Variants in BCL10 observed in about 807,000 individuals in gnomAD.
BCL10 encodes the protein BCL10 immune signaling adaptor, also known as B-cell lymphoma/leukemia 10.
BCL10 carries 5 observed loss-of-function variants against 19.2 expected under a neutral mutation model. The ratio of observed to expected loss-of-function variants is 0.26; its 90% confidence interval spans 0.14 to 0.55. The LOEUF (loss-of-function observed/expected upper bound fraction) is 0.55, where lower values mean the gene tolerates loss of function less well. BCL10 is among the 20% of genes least tolerant of loss of function. The pLI is 0.94. For missense variants in BCL10, 201 were observed against 271.9 expected (o/e 0.74, Z 1.83); for synonymous variants, 110 against 98.8 (o/e 1.11, Z -0.67).
intron 1 of BCL10, among the ~76,000 whole-genome samples, chr1:85,272,617 T>G (rs80055942): frequency 1.3e-5 from 2 of 152,098 alleles, no homozygotes; most frequent in Non-Finnish European, 1.5e-5. Flanking sequence ...AAGGATAAAG[T>G]TCCTTTACGT....
At chr1:85,276,270 G>A (rs979120146) in intron 1 of BCL10, 26 bp downstream of exon 1, 1 of 1,353,646 alleles carries the variant, frequency 7.4e-7, no homozygotes, top group African/African-American at 1.4e-5. Flanking sequence ...GCCCCCGCCC[G>A]CCCTGGGCAC....
At position 85,267,470 on chromosome 1, in the gene BCL10, CTTT is replaced by C; in HGVS notation, c.*154_*156del. 1 of 610,468 alleles carries C rather than the reference CTTT, an allele frequency of 1.6e-6. No individual in the cohort carries two copies. The highest frequency in any genetic ancestry group is 2.9e-5 in the East Asian group (1 of 34,328). 37.8% of individuals were successfully genotyped at this position (610,468 alleles called of 1,614,324 possible). A position where few individuals can be genotyped will look rare whatever the true frequency, so the allele number is the denominator to read the frequency against. On this transcript the variant is annotated 3_prime_UTR_variant, in exon 3 of 3. Coordinates refer to ENST00000648566, the MANE Select transcript of BCL10 (RefSeq NM_003921.5). ...TACAGTTAGCTATCCTAGAAGTATGCTTTTTTAATTCTAAAAATCCTATTTACA... is the reference window on the plus strand; with the variant it reads ...TACAGTTAGCTATCCTAGAAGTATGCTTTAATTCTAAAAATCCTATTTACA...
chr1:85,269,127 C>T (rs915421856), intron 2 of BCL10, among the ~76,000 whole-genome samples: 2 of 152,212 alleles, frequency 1.3e-5, no homozygotes, highest in African/African-American at 4.8e-5. Flanking sequence ...TCTTGCCCTC[C>T]CTTGCTCTTC....
chr1:85,274,517 G>A (rs549936706), intron 1 of BCL10, among the ~76,000 whole-genome samples: 4 of 152,306 alleles, frequency 2.6e-5, no homozygotes, highest in Admixed American at 6.5e-5. Context: ...CTAGATAGGA[G>A]GAGGGGGAGA....
At chr1:85,268,554 G>C (rs891460179) in intron 2 of BCL10, among the ~76,000 whole-genome samples, 2 of 152,128 alleles carry the variant, frequency 1.3e-5, no homozygotes, top group African/African-American at 4.8e-5. Flanking sequence ...CAGATCATGA[G>C]GTCAGGAGTT....
chr1:85,270,784 T>C lies in BCL10; in HGVS notation c.180A>G (p.Ser60=). ...EDTEEISCRT[S]SRKRAGKLLD... Reference sequence around the variant, plus strand: ...ACAATTTTCCAGCCCTTTTTCTACTTGATGTTCGACAAGAAATTTCTTCAG... The same window carrying C: ...ACAATTTTCCAGCCCTTTTTCTACTCGATGTTCGACAAGAAATTTCTTCAG... Residue 60 remains serine (S), a synonymous_variant, in exon 2 of 3, where the codon TCA becomes TCG. Coordinates refer to ENST00000648566, the MANE Select transcript of BCL10 (RefSeq NM_003921.5). 6.2e-7 allele frequency: 1 copy of C among 1,614,136 alleles called. No individual in the cohort carries two copies. The highest frequency in any genetic ancestry group is 2.2e-5 in the East Asian group (1 of 44,866).
At chr1:85,274,908 G>A (rs891547773) in intron 1 of BCL10, among the ~76,000 whole-genome samples, 2 of 152,172 alleles carry the variant, frequency 1.3e-5, no homozygotes, top group African/African-American at 4.8e-5. Context: ...CCTGAAGACA[G>A]ATAACATCAA....
intron 1 of BCL10, among the ~76,000 whole-genome samples, chr1:85,271,279 G>T (rs1426862575): frequency 6.6e-6 from 1 of 152,212 alleles, no homozygotes; most frequent in Non-Finnish European, 1.5e-5. Flanking sequence ...TGCAGAATTA[G>T]TCAGGACCAA....
At position 85,276,472 on chromosome 1, in the gene BCL10, G is replaced by C. The variant is rs71585147; in HGVS notation, c.-120C>G. ...AGAAGGAGAGGAGGCGGAGCGGGTC[G>C]GGAGAAAGACGGCCGCCCCTTCGGG... On this transcript the variant is annotated 5_prime_UTR_variant, in exon 1 of 3. Coordinates refer to ENST00000648566, the MANE Select transcript of BCL10 (RefSeq NM_003921.5). 1.7e-6 allele frequency: 2 copies of C among 1,188,798 alleles called. No individual in the cohort carries two copies. The highest frequency in any genetic ancestry group is 2.4e-6 in the Non-Finnish European group (2 of 821,228). 73.6% of individuals were successfully genotyped at this position (1,188,798 alleles called of 1,614,324 possible).
intron 2 of BCL10, among the ~76,000 whole-genome samples, chr1:85,268,507 C>T (rs1056277395): frequency 1.6e-4 from 24 of 152,126 alleles, no homozygotes; most frequent in East Asian, 1.5e-3. Context: ...TGGTGGCTCA[C>T]GCCTGTAATC....
rs1413984738 is a variant in BCL10, at chr1:85,274,191, AATTT to A, written c.57+2101_57+2104del. On this transcript the variant is annotated intron_variant, in intron 1 of 2. Transcript: ENST00000648566. Reference sequence around the variant, plus strand: ...ATAGTAATTGCAATAATGAAAACAAAATTTATTTATTTGTTTTAAACTAACGTCT... The same window carrying A: ...ATAGTAATTGCAATAATGAAAACAAAATTTATTTGTTTTAAACTAACGTCT... Among the ~76,000 whole-genome samples the A allele has an allele frequency of 2.6e-5, 4 of 152,288 alleles. No individual in the cohort carries two copies. In the South Asian group the frequency reaches 6.2e-4, roughly 24 times the overall value.
In BCL10 at chr1:85,265,856, A is replaced by G. The variant is rs76367688; in HGVS notation, c.*1771T>C. ...ACTCAGTGTTAAAACTTATCTATAT[A>G]TAGGTGTTATTGTATATCTAAATTA... On this transcript the variant is annotated 3_prime_UTR_variant, in exon 3 of 3. Coordinates refer to ENST00000648566, the MANE Select transcript of BCL10 (RefSeq NM_003921.5). Among the ~76,000 whole-genome samples, 847 of 152,332 alleles carry G rather than the reference A, an allele frequency of 5.6e-3. 10 individuals carry two copies. Among genetic ancestry groups the G allele is most frequent in the African/African-American group, 0.02 (813 of 41,584 alleles).
At chr1:85,269,754 A>T (rs1356241176) in intron 2 of BCL10, among the ~76,000 whole-genome samples, 3 of 152,252 alleles carry the variant, frequency 2.0e-5, no homozygotes, top group Non-Finnish European at 4.4e-5. Flanking sequence ...GGGGATTTAA[A>T]TTGTGTAGGC....
At position 85,271,880 on chromosome 1, in the gene BCL10, T is replaced by C. The variant is rs79889625; in HGVS notation, c.58-974A>G. Among the ~76,000 whole-genome samples, 207 of 152,344 alleles carry C rather than the reference T, an allele frequency of 1.4e-3. 3 individuals carry two copies. The East Asian group carries it at 0.036, about 26-fold the overall frequency. On this transcript the variant is annotated intron_variant, in intron 1 of 2. Coordinates refer to ENST00000648566, the MANE Select transcript of BCL10 (RefSeq NM_003921.5). ...GTCTACGAAGTTCCACATTTACTTG[T>C]TTATTCACATGACAAGTATTTTACA... is the stretch of plus-strand genomic sequence containing the variant.
chr1:85,273,262 T>C (rs976391976), intron 1 of BCL10, among the ~76,000 whole-genome samples: 15 of 152,146 alleles, frequency 9.9e-5, no homozygotes, highest in Non-Finnish European at 1.9e-4. Context: ...ATGACCCCCT[T>C]ATTGCCAAAT....
intron 1 of BCL10, among the ~76,000 whole-genome samples, chr1:85,275,178 A>G (rs1413156502): frequency 6.6e-6 from 1 of 152,250 alleles, no homozygotes; most frequent in African/African-American, 2.4e-5. Flanking sequence ...ATAAGACAAC[A>G]TTTATTCTAC....
Position 85,270,888 on chromosome 1 carries a change from C to T in BCL10, c.76G>A (p.Val26Ile), listed in dbSNP as rs2100748126. Reference sequence around the variant, plus strand: ...GCTATGATTTTCTCACACAGGTATACACGTAAATTTTCTAAGGCCTAAAAG... The same window carrying T: ...GCTATGATTTTCTCACACAGGTATATACGTAAATTTTCTAAGGCCTAAAAG... ...VKKDALENLRVYLCEKIIAER... is the reference protein window; with the variant it reads ...VKKDALENLRIYLCEKIIAER... The change falls in exon 2 of 3, where the codon GTA becomes ATA. Residue 26 changes from valine (V) to isoleucine (I), a missense_variant. By Grantham distance (29) the Val-to-Ile change is conservative. Coordinates refer to ENST00000648566, the MANE Select transcript of BCL10 (RefSeq NM_003921.5). 1 of 1,608,486 alleles carries T rather than the reference C, an allele frequency of 6.2e-7. No homozygotes were observed. The highest frequency in any genetic ancestry group is 8.5e-7 in the Non-Finnish European group (1 of 1,179,182).
chr1:85,275,643 T>C (rs1044604979), intron 1 of BCL10, among the ~76,000 whole-genome samples: 3 of 152,192 alleles, frequency 2.0e-5, no homozygotes, highest in Admixed American at 6.5e-5. Flanking sequence ...ACAAAGCCAT[T>C]CGTTACGAAT....
rs1399358744 is a variant in BCL10, at chr1:85,267,016, T to A, written c.*611A>T. The A allele has an allele frequency of 5.2e-6, 1 of 190,988 alleles. No individual in the cohort carries two copies. The highest frequency in any genetic ancestry group is 1.1e-5 in the Non-Finnish European group (1 of 91,056). 11.8% of individuals were successfully genotyped at this position (190,988 alleles called of 1,614,324 possible). A position where few individuals can be genotyped will look rare whatever the true frequency, so the allele number is the denominator to read the frequency against. ...GAATGTGAAAATCCTAACAAAGTAGTATAATTAGTAAGGTTAATTAGAAAT... is the reference window on the plus strand; with the variant it reads ...GAATGTGAAAATCCTAACAAAGTAGAATAATTAGTAAGGTTAATTAGAAAT... On this transcript the variant is annotated 3_prime_UTR_variant, in exon 3 of 3. Coordinates refer to ENST00000648566, the MANE Select transcript of BCL10 (RefSeq NM_003921.5).
Sources: gnomAD v4.1 joint callset for allele counts (sites outside exome capture counted in the v4.1 genomes callset) on GRCh38, gnomAD v4.1.1 for gene constraint, MANE v1.5 for transcripts, NCBI Gene and HGNC (gene_info 2026-07-23, HGNC 2026-07-21) for gene names.